PCDHGA5: variants seen among roughly 807,000 people sequenced by gnomAD.
PCDHGA5 encodes protocadherin gamma subfamily A, 5, also known as protocadherin gamma-A5.
A neutral mutation model predicts 56.7 loss-of-function variants in PCDHGA5; 36 were observed. That is an observed-to-expected ratio of 0.64 (90% CI 0.49 to 0.84). The LOEUF is 0.84. PCDHGA5 is among the 40% of genes least tolerant of loss of function. PCDHGA5 has a pLI of 0.00. For missense variants in PCDHGA5, 1,305 were observed against 1,201.5 expected (o/e 1.09, Z -1.27); for synonymous variants, 563 against 520.2 (o/e 1.08, Z -1.12).
chr5:141,430,404 A>C (rs1054341813), intron 1 of PCDHGA5, among the ~76,000 whole-genome samples: 1 of 152,000 alleles, frequency 6.6e-6, no homozygotes, highest in African/African-American at 2.4e-5. Context: ...AAAGCTCACT[A>C]AAGTTTCTAT....
intron 1 of PCDHGA5, among the ~76,000 whole-genome samples, chr5:141,368,592 A>T (rs1277512291): frequency 6.6e-6 from 1 of 152,198 alleles, no homozygotes; most frequent in South Asian, 2.1e-4. Flanking sequence ...TGTTTGGGAA[A>T]AAAGTAAAGG....
chr5:141,469,595 CAAAAT>C (rs919167679), intron 1 of PCDHGA5, among the ~76,000 whole-genome samples: 3 of 151,998 alleles, frequency 2.0e-5, no homozygotes, highest in Admixed American at 6.6e-5. Context: ...ATAAATAAAA[CAAAAT>C]AAGTAAAATA....
chr5:141,439,118 G>A (rs1293542421), intron 1 of PCDHGA5, among the ~76,000 whole-genome samples: 3 of 151,390 alleles, frequency 2.0e-5, no homozygotes, highest in Non-Finnish European at 4.4e-5. Flanking sequence ...ACTTGAACCC[G>A]GGAGACAGAG....
chr5:141,402,422 T>C (rs1385083470), intron 1 of PCDHGA5, among the ~76,000 whole-genome samples: 2 of 151,998 alleles, frequency 1.3e-5, no homozygotes, highest in African/African-American at 2.4e-5. Context: ...CAGAAAAAAT[T>C]GAAGCATCAT....
At chr5:141,420,474 C>T in intron 1 of PCDHGA5, 1 of 677,328 alleles carries the variant, frequency 1.5e-6, no homozygotes, top group Non-Finnish European at 2.1e-6. Context: ...CATTTTAAAG[C>T]AAACTACATG....
chr5:141,401,815 C>G (rs1217081146), intron 1 of PCDHGA5, among the ~76,000 whole-genome samples: 1 of 152,184 alleles, frequency 6.6e-6, no homozygotes, highest in Non-Finnish European at 1.5e-5. Flanking sequence ...GGGTTCCTTA[C>G]AAAGTGCTGA....
intron 2 of PCDHGA5, among the ~76,000 whole-genome samples, chr5:141,503,851 A>C (rs1484022055): frequency 6.6e-6 from 1 of 152,116 alleles, no homozygotes; most frequent in Non-Finnish European, 1.5e-5. Context: ...CCTTGGAAAA[A>C]TTGTAAAGCA....
At chr5:141,460,909 G>A (rs1473458228) in intron 1 of PCDHGA5, among the ~76,000 whole-genome samples, 4 of 123,246 alleles carry the variant, frequency 3.2e-5, no homozygotes, top group Non-Finnish European at 6.6e-5. Context: ...AATATTCCAT[G>A]GTGTATATAT....
intron 1 of PCDHGA5, chr5:141,393,324 C>T: frequency 6.2e-7 from 1 of 1,611,210 alleles, no homozygotes; most frequent in Admixed American, 1.7e-5. Context: ...CCAGAGCTAC[C>T]AGCTCAGCCC....
intron 1 of PCDHGA5, chr5:141,415,006 C>T (rs1353721901): frequency 1.2e-6 from 2 of 1,613,652 alleles, no homozygotes; most frequent in Non-Finnish European, 8.5e-7. Flanking sequence ...GCTGTCCTAC[C>T]GTCTGCTCAA....
intron 1 of PCDHGA5, among the ~76,000 whole-genome samples, chr5:141,472,542 GA>G (rs904556404): frequency 1.6e-4 from 23 of 147,144 alleles, no homozygotes; most frequent in African/African-American, 4.2e-4. Context: ...ACCATCTCAA[GA>G]AAAAAAAAAT....
chr5:141,450,210 G>T (rs2098673599), intron 1 of PCDHGA5, among the ~76,000 whole-genome samples: 1 of 151,786 alleles, frequency 6.6e-6, no homozygotes. Flanking sequence ...TAGAGACAAG[G>T]TTTCACTATG....
intron 1 of PCDHGA5, chr5:141,372,805 A>C: frequency 6.3e-7 from 1 of 1,592,964 alleles, no homozygotes; most frequent in Non-Finnish European, 8.6e-7. Flanking sequence ...GGCAATTTGC[A>C]AAAGGTGAGT....
intron 2 of PCDHGA5, among the ~76,000 whole-genome samples, chr5:141,496,097 A>C (rs1329818315): frequency 6.6e-6 from 1 of 151,148 alleles, no homozygotes; most frequent in Non-Finnish European, 1.5e-5. Context: ...CCACCCACCA[A>C]CACCCCGCTC....
intron 1 of PCDHGA5, among the ~76,000 whole-genome samples, chr5:141,444,462 C>T (rs1314366280): frequency 3.3e-5 from 5 of 152,002 alleles, no homozygotes; most frequent in African/African-American, 9.7e-5. Flanking sequence ...TGAGTCACTG[C>T]GCCCGGTCGC....
intron 1 of PCDHGA5, chr5:141,418,303 G>T: frequency 6.2e-7 from 1 of 1,614,032 alleles, no homozygotes; most frequent in Middle Eastern, 1.6e-4. Flanking sequence ...CCGTCAGCCT[G>T]GGGATGGGAA....
chr5:141,408,442 G>A lies in PCDHGA5; in HGVS notation c.2421+41691G>A, dbSNP rs774397781. On this transcript the variant is annotated intron_variant, in intron 1 of 3. Transcript: ENST00000518069. ...AGCTGCACTTCAGCGTAGACGCGGA[G>A]AGCGGGGACTTACTTGTGAAGAACC... is the stretch of plus-strand genomic sequence containing the variant. 8.7e-6 allele frequency: 14 copies of A among 1,614,080 alleles called. 1 individual carries two copies. The South Asian group carries it at 1.5e-4, about 18-fold the overall frequency.
At chr5:141,376,078 C>T (rs752847017) in intron 1 of PCDHGA5, 7 of 1,613,392 alleles carry the variant, frequency 4.3e-6, no homozygotes, top group South Asian at 3.3e-5. Flanking sequence ...TGGCCGTGGC[C>T]GACAGGATCC....
At chr5:141,497,807 T>G (rs2099779585) in intron 2 of PCDHGA5, among the ~76,000 whole-genome samples, 1 of 152,210 alleles carries the variant, frequency 6.6e-6, no homozygotes, top group African/African-American at 2.4e-5. Context: ...CCCAAAGTGC[T>G]AGAATTACAG....
Sources: gnomAD v4.1 joint callset for allele counts (sites outside exome capture counted in the v4.1 genomes callset) on GRCh38, gnomAD v4.1.1 for gene constraint, MANE v1.5 for transcripts, NCBI Gene and HGNC (gene_info 2026-07-23, HGNC 2026-07-21) for gene names.